Variants in RNF128 observed in about 807,000 individuals in gnomAD.
RNF128 encodes the protein ring finger protein 128, also known as E3 ubiquitin-protein ligase RNF128.
Under a neutral mutation model 26.2 loss-of-function variants are expected in RNF128, and 13 were observed. That is an observed-to-expected ratio of 0.50 (90% confidence interval 0.32 to 0.79). RNF128 has a LOEUF of 0.79. RNF128 is among the 30% of genes least tolerant of loss of function. The pLI is 0.03. For synonymous variants in RNF128, 149 were observed against 142.5 expected, an observed-to-expected ratio of 1.05 and a Z score of -0.32; for missense variants, 315 against 349.7, an observed-to-expected ratio of 0.90 and a Z score of 0.79.
chrX:106,712,168 C>G (rs1476067971), intron 1 of RNF128, among the ~76,000 whole-genome samples: 1 of 112,003 alleles, frequency 8.9e-6, no homozygotes, highest in Admixed American at 9.4e-5. Flanking sequence ...CTGCATAAAA[C>G]AGAATATGAA....
intron 1 of RNF128, among the ~76,000 whole-genome samples, chrX:106,754,529 G>T (rs1929966704): frequency 9.7e-6 from 1 of 102,610 alleles, no homozygotes; most frequent in South Asian, 4.5e-4. Flanking sequence ...CAAAGTGCTG[G>T]GATTACAGGT....
chrX:106,770,203 G>A (rs901706291), intron 1 of RNF128, among the ~76,000 whole-genome samples: 1 of 111,491 alleles, frequency 9.0e-6, no homozygotes, highest in African/African-American at 3.3e-5. Context: ...CAACTTTGGT[G>A]AATCTGACAA....
At chrX:106,704,418 C>A (rs1603078974) in intron 1 of RNF128, among the ~76,000 whole-genome samples, 1 of 78,791 alleles carries the variant, frequency 1.3e-5, no homozygotes, top group Admixed American at 1.8e-4. Flanking sequence ...GGCGACAGAG[C>A]GAGACTCTGT....
At chrX:106,735,028 C>T (rs985650443) in intron 1 of RNF128, among the ~76,000 whole-genome samples, 2 of 112,151 alleles carry the variant, frequency 1.8e-5, no homozygotes, top group African/African-American at 6.5e-5. Context: ...AACACAAGGG[C>T]TCTTTGTTGT....
rs374988755 is a variant in RNF128 at position 106,704,302 on chromosome X, T to G, written c.406+9894T>G. Among the ~76,000 whole-genome samples, 502 of 109,528 alleles carry G rather than the reference T, an allele frequency of 4.6e-3. 1 individual carries two copies. The highest frequency in any genetic ancestry group is 0.015 in the African/African-American group (445 of 30,128). On this transcript the variant is annotated intron_variant, in intron 1 of 6. Coordinates refer to the RNF128 transcript ENST00000324342. ...ATACAAAAAAGCCAGGCGTGGTGGCTGGCGCCTGTAGTCCCAGCTACTCGG... is the reference window on the plus strand; with the variant it reads ...ATACAAAAAAGCCAGGCGTGGTGGCGGGCGCCTGTAGTCCCAGCTACTCGG...
At chrX:106,728,217 C>T (rs998791603) in intron 1 of RNF128, among the ~76,000 whole-genome samples, 2 of 111,214 alleles carry the variant, frequency 1.8e-5, no homozygotes, top group African/African-American at 6.5e-5. Flanking sequence ...ATATAGTTAT[C>T]CTAGACCCTA....
intron 1 of RNF128, 138 bp from the exon 2 acceptor site, chrX:106,772,775 G>A: frequency 1.6e-6 from 1 of 615,247 alleles, no homozygotes; most frequent in Middle Eastern, 4.2e-4. Context: ...ATAGATAGTA[G>A]GTGCTCAAAA....
chrX:106,779,876 C>T (rs1214303014), intron 2 of RNF128, among the ~76,000 whole-genome samples: 3 of 111,406 alleles, frequency 2.7e-5, no homozygotes, highest in Admixed American at 1.9e-4. Flanking sequence ...TCTTTCAGTT[C>T]TCAGATACCT....
intron 1 of RNF128, among the ~76,000 whole-genome samples, chrX:106,743,546 G>A (rs1929737633): frequency 8.9e-6 from 1 of 112,265 alleles, no homozygotes; most frequent in Non-Finnish European, 1.9e-5. Context: ...ATTTAACCAA[G>A]TAGAAAGAAT....
intron 1 of RNF128, among the ~76,000 whole-genome samples, chrX:106,735,964 T>G (rs771158825): frequency 2.0e-4 from 22 of 110,471 alleles, no homozygotes; most frequent in African/African-American, 6.2e-4. Flanking sequence ...GTATTTTTGT[T>G]TTTTTTTCCC....
intron 1 of RNF128, among the ~76,000 whole-genome samples, chrX:106,767,508 T>C (rs1254355002): frequency 1.8e-5 from 2 of 111,317 alleles, no homozygotes; most frequent in Admixed American, 9.6e-5. Context: ...TGATTTGGCT[T>C]TCTGTTTGTC....
chrX:106,784,756 T>C (rs1930623763), intron 2 of RNF128, among the ~76,000 whole-genome samples: 1 of 111,611 alleles, frequency 9.0e-6, no homozygotes, highest in Non-Finnish European at 1.9e-5. Context: ...ATAGGAAGAT[T>C]GCTTTGAAAA....
intron 1 of RNF128, among the ~76,000 whole-genome samples, chrX:106,698,179 TGC>T (rs1382206500): frequency 1.9e-5 from 2 of 106,782 alleles, no homozygotes; most frequent in Non-Finnish European, 1.9e-5. Flanking sequence ...AGTACTTGCT[TGC>T]TGAGCAGACA....
chrX:106,725,262 C>T (rs1251202349), upstream of RNF128, among the ~76,000 whole-genome samples: 1 of 111,389 alleles, frequency 9.0e-6, no homozygotes. Flanking sequence ...CTCTAAAGTC[C>T]TTTTCAATAC....
intron 1 of RNF128, among the ~76,000 whole-genome samples, chrX:106,720,959 C>CAG (rs1929300252): frequency 9.0e-6 from 1 of 111,433 alleles, no homozygotes; most frequent in Non-Finnish European, 1.9e-5. Context: ...GTTTGTAAAG[C>CAG]CACTCTCTGT....
At chrX:106,763,987 G>T (rs1930168646) in intron 1 of RNF128, among the ~76,000 whole-genome samples, 1 of 100,058 alleles carries the variant, frequency 1.0e-5, no homozygotes, top group African/African-American at 4.8e-5. Context: ...TTTTGAGATG[G>T]AGTCTCGCTC....
intron 2 of RNF128, among the ~76,000 whole-genome samples, chrX:106,782,224 G>A (rs923330396): frequency 8.9e-6 from 1 of 112,398 alleles, no homozygotes; most frequent in African/African-American, 3.2e-5. Context: ...AATTAGAATT[G>A]CTTTAAGCAC....
intron 6 of RNF128, among the ~76,000 whole-genome samples, chrX:106,794,228 C>A (rs1930876811): frequency 9.1e-6 from 1 of 110,324 alleles, no homozygotes; most frequent in Non-Finnish European, 1.9e-5. Context: ...CATCGTTTAT[C>A]CCTTGCTCAT....
chrX:106,694,554 T>G (rs2147654734), intron 1 of RNF128: 2 of 327,006 alleles, frequency 6.1e-6, no homozygotes, highest in East Asian at 9.7e-5. Flanking sequence ...TGTAATTACT[T>G]TATTATTATT....
Sources: gnomAD v4.1 joint callset for allele counts (sites outside exome capture counted in the v4.1 genomes callset) on GRCh38, gnomAD v4.1.1 for gene constraint, MANE v1.5 for transcripts, NCBI Gene and HGNC (gene_info 2026-07-23, HGNC 2026-07-21) for gene names.